The following LITAF variants were observed in gnomAD, a reference collection of about 807,000 sequenced individuals.
The protein encoded by LITAF is lipopolysaccharide-induced tumor necrosis factor-alpha factor.
Under a neutral mutation model 14.5 loss-of-function variants are expected in LITAF, and 9 were observed. That is an observed-to-expected ratio of 0.62 (90% CI 0.37 to 1.08). The LOEUF (loss-of-function observed/expected upper bound fraction) is 1.08, where lower values mean the gene tolerates loss of function less well. LITAF is among the 50% of genes least tolerant of loss of function. The pLI, the probability that LITAF is intolerant of heterozygous loss-of-function variation, is 0.01. For synonymous variants in LITAF, 98 were observed against 88.2 expected, an observed-to-expected ratio of 1.11 and a Z score of -0.62; for missense variants, 206 against 213.4, an observed-to-expected ratio of 0.97 and a Z score of 0.22.
intron 1 of LITAF, among the ~76,000 whole-genome samples, chr16:11,575,074 A>G (rs549700863): frequency 6.6e-6 from 1 of 152,270 alleles, no homozygotes; most frequent in East Asian, 1.9e-4. Context: ...AAGTGCTGGC[A>G]TTACAGGCGT....
upstream of LITAF, among the ~76,000 whole-genome samples, chr16:11,602,919 TGG>T (rs1365133729): frequency 1.3e-5 from 2 of 152,062 alleles, no homozygotes; most frequent in Non-Finnish European, 2.9e-5. Flanking sequence ...CAGACCAGCC[TGG>T]GCAACCCAGC....
At chr16:11,551,384 G>T (rs1398771445) in intron 3 of LITAF, among the ~76,000 whole-genome samples, 1 of 152,156 alleles carries the variant, frequency 6.6e-6, no homozygotes, top group Non-Finnish European at 1.5e-5. Flanking sequence ...TACAGATGGG[G>T]AAACTGAAGC....
At position 11,574,581 on chromosome 16, in the gene LITAF, T is replaced by G. The variant is rs1443896984; in HGVS notation, c.-6+12305A>C. Among the ~76,000 whole-genome samples the G allele has an allele frequency of 2.6e-5, 4 of 152,072 alleles. No individual in the cohort carries two copies. In the East Asian group the frequency reaches 7.7e-4, roughly 29 times the overall value. On this transcript the variant is annotated intron_variant, in intron 1 of 3. Coordinates refer to ENST00000622633, the MANE Select transcript of LITAF (RefSeq NM_001136472.2). ...CTCCTCTGCAAACCTGTCTCTGCCCTCCCCAGGCCTCCATCCTGGGTCCTT... is the reference window on the plus strand; with the variant it reads ...CTCCTCTGCAAACCTGTCTCTGCCCGCCCCAGGCCTCCATCCTGGGTCCTT...
chr16:11,597,253 C>T (rs891887730), intron 1 of LITAF, among the ~76,000 whole-genome samples: 1 of 152,134 alleles, frequency 6.6e-6, no homozygotes, highest in Non-Finnish European at 1.5e-5. Flanking sequence ...CATCTACTGG[C>T]ACTTTCTCTT....
intron 1 of LITAF, among the ~76,000 whole-genome samples, chr16:11,584,492 C>A (rs550430279): frequency 1.4e-4 from 22 of 152,278 alleles, no homozygotes; most frequent in Non-Finnish European, 2.5e-4. Flanking sequence ...CAGCTCCTTC[C>A]TCTCAGTGGA....
At chr16:11,593,283 G>A in intron 1 of LITAF, among the ~76,000 whole-genome samples, 1 of 150,650 alleles carries the variant, frequency 6.6e-6, no homozygotes, top group African/African-American at 2.4e-5. Flanking sequence ...TTGAACCCAG[G>A]AGGCAGATGT....
upstream of LITAF, among the ~76,000 whole-genome samples, chr16:11,638,691 G>A: frequency 1.1e-5 from 1 of 93,766 alleles, no homozygotes; most frequent in African/African-American, 3.8e-5. Context: ...GACAGAGCAA[G>A]ACTCTGTCTC....
At chr16:11,629,775 T>C (rs1405530023) in intron 3 of LITAF, among the ~76,000 whole-genome samples, 1 of 152,128 alleles carries the variant, frequency 6.6e-6, no homozygotes, top group Non-Finnish European at 1.5e-5. Context: ...TGATTCTGGG[T>C]TGACTCAAGT....
chr16:11,593,905 A>G (rs1053740475), intron 1 of LITAF, among the ~76,000 whole-genome samples: 1 of 152,158 alleles, frequency 6.6e-6, no homozygotes, highest in Non-Finnish European at 1.5e-5. Flanking sequence ...GGCTGGGTGC[A>G]GTGGCTCATG....
intron 1 of LITAF, among the ~76,000 whole-genome samples, chr16:11,569,279 T>C (rs984365820): frequency 3.3e-5 from 5 of 152,142 alleles, no homozygotes; most frequent in African/African-American, 1.2e-4. Context: ...CTCACTCTAT[T>C]GCACAGGCTG....
In LITAF at chr16:11,549,965, G is replaced by A. The variant is rs2064159646; in HGVS notation, c.378-220C>T. On this transcript the variant is annotated intron_variant, in intron 3 of 3. Coordinates refer to ENST00000622633, the MANE Select transcript of LITAF (RefSeq NM_001136472.2). The surrounding 1 kb of genome is among the most constrained non-coding windows in gnomAD (Gnocchi z 4.6). ...ACACAGAGATACAGAGAGGGCAGAA[G>A]GAAATGTGAAGACAGAGGCAGAAGC... Among the ~76,000 whole-genome samples the A allele has an allele frequency of 6.6e-6, 1 of 152,174 alleles. No individual in the cohort carries two copies. Among genetic ancestry groups the A allele is most frequent in the South Asian group, 2.1e-4 (1 of 4,828 alleles).
upstream of LITAF, among the ~76,000 whole-genome samples, chr16:11,590,305 T>C (rs1182815577): frequency 4.2e-5 from 5 of 117,724 alleles, 2 homozygotes; most frequent in Non-Finnish European, 8.5e-5. Flanking sequence ...AAGTGGTATA[T>C]CAGTCAGAAA....
At chr16:11,599,897 C>G (rs553846752), upstream of LITAF, among the ~76,000 whole-genome samples, 4 of 152,318 alleles carry the variant, frequency 2.6e-5, no homozygotes, top group Non-Finnish European at 5.9e-5. Context: ...TCAAACACCA[C>G]TGACCACTCT....
intron 3 of LITAF, among the ~76,000 whole-genome samples, chr16:11,618,697 C>A (rs187732227): frequency 0.011 from 1,663 of 152,202 alleles, 11 homozygotes; most frequent in Non-Finnish European, 0.016. Flanking sequence ...TAAAAACCCC[C>A]GCACTGGCCG....
In LITAF at chr16:11,548,548, C is replaced by G; in HGVS notation, c.*1089G>C. ...GAAGGTGTTTAAGAATCACATTAACCCCAAGTAAAGGCAGTAGATGAAATT... is the reference window on the plus strand; with the variant it reads ...GAAGGTGTTTAAGAATCACATTAACGCCAAGTAAAGGCAGTAGATGAAATT... On this transcript the variant is annotated 3_prime_UTR_variant, in exon 4 of 4. Transcript: ENST00000622633. 1 of 453,790 alleles carries G rather than the reference C, an allele frequency of 2.2e-6. No homozygotes were observed. Among genetic ancestry groups the G allele is most frequent in the Non-Finnish European group, 4.4e-6 (1 of 226,752 alleles). 28.1% of individuals were successfully genotyped at this position (453,790 alleles called of 1,614,324 possible).
intron 1 of LITAF, among the ~76,000 whole-genome samples, chr16:11,570,654 C>T (rs2064527427): frequency 6.6e-6 from 1 of 152,086 alleles, no homozygotes; most frequent in Non-Finnish European, 1.5e-5. Flanking sequence ...TCTGGATTAA[C>T]CAGGTAGGCC....
At chr16:11,595,672 T>A (rs1861666) in intron 1 of LITAF, among the ~76,000 whole-genome samples, 5 of 151,898 alleles carry the variant, frequency 3.3e-5, no homozygotes, top group African/African-American at 1.2e-4. Context: ...GAGCTTGCAG[T>A]GAGCTGAGAT....
chr16:11,622,361 C>T (rs1049784789), intron 3 of LITAF, among the ~76,000 whole-genome samples: 2 of 152,252 alleles, frequency 1.3e-5, no homozygotes, highest in Non-Finnish European at 2.9e-5. Flanking sequence ...GGGGAGATAT[C>T]CCAAGACCCC....
rs2064157372 is a variant in LITAF, at chr16:11,549,783, T to C, written c.378-38A>G. 3.3e-6 allele frequency: 5 copies of C among 1,520,738 alleles called. No individual in the cohort carries two copies. Among genetic ancestry groups the C allele is most frequent in the African/African-American group, 2.7e-5 (2 of 73,038 alleles). The allele number at this position is 1,520,738 out of a possible 1,614,324, so 94.2% of individuals were successfully genotyped here. On this transcript the variant is annotated intron_variant, in intron 3 of 3. Coordinates refer to ENST00000622633, the MANE Select transcript of LITAF (RefSeq NM_001136472.2). The surrounding 1 kb of genome is among the most constrained non-coding windows in gnomAD (Gnocchi z 4.6). Reference sequence around the variant, plus strand: ...AGAGACACACGGAGCGCGTTACTGATCACAACAGGGTGAACACTGGCTGCC... The same window carrying C: ...AGAGACACACGGAGCGCGTTACTGACCACAACAGGGTGAACACTGGCTGCC...
Sources: allele counts gnomAD v4.1 joint callset (sites outside exome capture counted in the v4.1 genomes callset), GRCh38; gene constraint gnomAD v4.1.1; non-coding constraint Gnocchi (gnomAD v3.1); transcripts MANE v1.5; gene names NCBI Gene and HGNC (gene_info 2026-07-23, HGNC 2026-07-21).